The following MAPK9 variants were observed in gnomAD, a reference collection of about 807,000 sequenced individuals.
MAPK9 encodes the protein Jun kinase.
Under a neutral mutation model 57.1 loss-of-function variants are expected in MAPK9, and 30 were observed. The observed-to-expected ratio is 0.53, with a 90% CI of 0.39 to 0.71. The LOEUF (loss-of-function observed/expected upper bound fraction) is 0.71. Ranked by LOEUF, MAPK9 falls within the 30% of genes least tolerant of loss-of-function variation. MAPK9 has a pLI of 0.00. For missense variants in MAPK9, 362 were observed against 521.0 expected (o/e 0.69, Z 2.97); for synonymous variants, 155 against 177.0 (o/e 0.88, Z 0.99).
chr5:180,249,321 T>A (rs1292517569), intron 5 of MAPK9, among the ~76,000 whole-genome samples, 183 bp from the exon 6 acceptor site: 1 of 152,174 alleles, frequency 6.6e-6, no homozygotes, highest in African/African-American at 2.4e-5. Context: ...CCTAAAGCCG[T>A]CAGATGGTGC....
chr5:180,283,929 A>G (rs1324390981), intron 1 of MAPK9, among the ~76,000 whole-genome samples: 1 of 152,206 alleles, frequency 6.6e-6, no homozygotes, highest in Non-Finnish European at 1.5e-5. Context: ...CTCCATCTCA[A>G]AAACAAACAA....
chr5:180,248,925 G>A, intron 6 of MAPK9, 48 bp downstream of exon 6: 2 of 1,548,658 alleles, frequency 1.3e-6, no homozygotes, highest in Non-Finnish European at 1.7e-6. Context: ...ACCACCGCTA[G>A]AGCAATTTCT....
chr5:180,263,247 T>C (rs536827429), intron 4 of MAPK9, among the ~76,000 whole-genome samples: 58 of 152,194 alleles, frequency 3.8e-4, no homozygotes, highest in African/African-American at 1.3e-3. Context: ...ACCACACATC[T>C]CATCTATCAG....
At chr5:180,278,607 G>A (rs1277166558) in intron 2 of MAPK9, among the ~76,000 whole-genome samples, 1 of 152,158 alleles carries the variant, frequency 6.6e-6, no homozygotes, top group Non-Finnish European at 1.5e-5. Context: ...GCTGAGGCAG[G>A]AGAACTGCTT....
At chr5:180,251,469 G>C (rs1758685245) in intron 5 of MAPK9, among the ~76,000 whole-genome samples, 1 of 152,152 alleles carries the variant, frequency 6.6e-6, no homozygotes, top group Non-Finnish European at 1.5e-5. Flanking sequence ...AACAGGAAAA[G>C]CACACTTTAC....
At chr5:180,239,284 G>C (rs1201385762) in intron 10 of MAPK9, among the ~76,000 whole-genome samples, 1 of 152,300 alleles carries the variant, frequency 6.6e-6, no homozygotes, top group Admixed American at 6.5e-5. Flanking sequence ...GCAAGCATTC[G>C]CTGAGGCCAG....
At chr5:180,260,722 C>T (rs1759856137) in intron 5 of MAPK9, among the ~76,000 whole-genome samples, 1 of 152,114 alleles carries the variant, frequency 6.6e-6, no homozygotes, top group Non-Finnish European at 1.5e-5. Flanking sequence ...AAGTAGGTAA[C>T]ACTGATTTTT....
At chr5:180,260,789 T>TG (rs1439868110) in intron 5 of MAPK9, among the ~76,000 whole-genome samples, 9 of 152,240 alleles carry the variant, frequency 5.9e-5, no homozygotes, top group Non-Finnish European at 1.3e-4. Flanking sequence ...TGTTAACTGT[T>TG]GGGGTTTTCT....
intron 8 of MAPK9, among the ~76,000 whole-genome samples, 179 bp from the exon 9 acceptor site, chr5:180,241,334 T>C (rs182398786): frequency 6.5e-4 from 98 of 151,498 alleles, no homozygotes; most frequent in African/African-American, 2.2e-3. Context: ...AGACGGAGTC[T>C]CGCTCTGTCG....
intron 8 of MAPK9, 143 bp downstream of exon 8, chr5:180,242,429 TC>T: frequency 1.5e-6 from 1 of 683,520 alleles, no homozygotes; most frequent in Non-Finnish European, 2.4e-6. Flanking sequence ...TTAAGCTTTC[TC>T]TCCTCAGTGC....
In MAPK9 at chr5:180,272,339, T is replaced by C. The variant is rs36107604; in HGVS notation, c.123-2930A>G. Among the ~76,000 whole-genome samples the C allele has an allele frequency of 4.2e-3, 636 of 152,356 alleles. 5 individuals are homozygous for C. The highest frequency in any genetic ancestry group is 0.015 in the African/African-American group (611 of 41,572). On this transcript the variant is annotated intron_variant, in intron 2 of 11. Coordinates refer to ENST00000452135, the MANE Select transcript of MAPK9 (RefSeq NM_002752.5). ...TTAAAATCAATTTTCTGTGAGAACTTTGAAGGCACTTTTCCACTGATTTCC... is the reference window on the plus strand; with the variant it reads ...TTAAAATCAATTTTCTGTGAGAACTCTGAAGGCACTTTTCCACTGATTTCC...
At position 180,236,274 on chromosome 5, in the gene MAPK9, T is replaced by C; in HGVS notation, c.*110A>G. 1 of 1,235,384 alleles carries C rather than the reference T, an allele frequency of 8.1e-7. No individual in the cohort carries two copies. Among genetic ancestry groups the C allele is most frequent in the Non-Finnish European group, 1.1e-6 (1 of 907,400 alleles). 76.5% of individuals were successfully genotyped at this position (1,235,384 alleles called of 1,614,324 possible). A position where few individuals can be genotyped will look rare whatever the true frequency, so the allele number is the denominator to read the frequency against. ...GAGTAGGGCAAGGCATTGTGTTTCT[T>C]ACATGCAGAACATGGAGTTTTTCTA... On this transcript the variant is annotated 3_prime_UTR_variant, in exon 12 of 12. Coordinates refer to ENST00000452135, the MANE Select transcript of MAPK9 (RefSeq NM_002752.5).
chr5:180,254,830 C>A (rs556170531), intron 5 of MAPK9, among the ~76,000 whole-genome samples: 3 of 152,094 alleles, frequency 2.0e-5, no homozygotes, highest in Non-Finnish European at 4.4e-5. Context: ...GTCAGGAGAT[C>A]GAGACCATCC....
intron 5 of MAPK9, among the ~76,000 whole-genome samples, chr5:180,261,340 G>A (rs1300289055): frequency 2.0e-5 from 3 of 152,254 alleles, no homozygotes; most frequent in Non-Finnish European, 2.9e-5. Flanking sequence ...ATTAAAAACA[G>A]GTGAATGTAG....
In MAPK9 at chr5:180,242,717, T is replaced by A. The variant is rs931706981; in HGVS notation, c.727A>T (p.Thr243Ser). 20 of 1,613,998 alleles carry A rather than the reference T, an allele frequency of 1.2e-5. No homozygotes were observed. In the African/African-American group the frequency reaches 2.3e-4, roughly 18 times the overall value. The change falls in exon 8 of 12, where the codon ACA becomes TCA. Residue 243 changes from threonine (T) to serine (S), a missense_variant. By Grantham distance (58) the Thr-to-Ser change is moderately conservative. Transcript: ENST00000452135. The part of the protein sequence containing the change: ...QWNKVIEQLG[T>S]PSAEFMKKLQ... ...TTCTTCATGAACTCTGCTGATGGTG[T>A]TCCCAGCTGCTCAATAACTTTATTC...
chr5:180,274,288 C>G (rs557531482), intron 2 of MAPK9, among the ~76,000 whole-genome samples: 1 of 152,282 alleles, frequency 6.6e-6, no homozygotes, highest in East Asian at 1.9e-4. Context: ...GGTACATATA[C>G]TGACCCTGCA....
rs1581252846 is a variant in MAPK9 at position 180,267,722 on chromosome 5, A to C, written c.252+1558T>G. 2.0e-5 allele frequency among the ~76,000 whole-genome samples: 3 copies of C among 152,206 alleles called. No homozygotes were observed. In the South Asian group the frequency reaches 6.2e-4, roughly 32 times the overall value. ...TCTACAAACAATTTTAAAAACTGCC[A>C]AGCATGGTGGCGCACGCCTATGGTC... On this transcript the variant is annotated intron_variant, in intron 3 of 11. Transcript: ENST00000452135.
At position 180,249,010 on chromosome 5, in the gene MAPK9, C is replaced by A. The variant is rs774103490; in HGVS notation, c.579G>T (p.Ala193=). 4 of 1,613,498 alleles carry A rather than the reference C, an allele frequency of 2.5e-6. No homozygotes were observed. Among genetic ancestry groups the A allele is most frequent in the Non-Finnish European group, 2.5e-6 (3 of 1,179,612 alleles). ...TPYVVTRYYR[A]PEVILGMGYK... ...AGCCCATACCCAGGATGACTTCGGG[C>A]GCCCGGTAGTACCGTGTCACCACGT... The change falls in exon 6 of 12, where the codon GCG becomes GCT. Residue 193 remains alanine (A), a synonymous_variant. Coordinates refer to ENST00000452135, the MANE Select transcript of MAPK9 (RefSeq NM_002752.5).
intron 2 of MAPK9, among the ~76,000 whole-genome samples, chr5:180,273,406 G>C (rs975505137): frequency 1.3e-5 from 2 of 151,150 alleles, no homozygotes; most frequent in African/African-American, 2.4e-5. Context: ...TTCTTAAAGT[G>C]GAGATGGGGG....
Sources: gnomAD v4.1 joint callset for allele counts (sites outside exome capture counted in the v4.1 genomes callset) on GRCh38, gnomAD v4.1.1 for gene constraint, MANE v1.5 for transcripts, NCBI Gene and HGNC (gene_info 2026-07-23, HGNC 2026-07-21) for gene names.